The following IGFBP2 variants were observed in gnomAD, a reference collection of about 807,000 sequenced individuals.
The protein encoded by IGFBP2 is insulin-like growth factor-binding protein 2.
IGFBP2 carries 12 observed loss-of-function variants against 26.2 expected under a neutral mutation model. The ratio of observed to expected loss-of-function variants is 0.46; its 90% confidence interval spans 0.29 to 0.74. IGFBP2 has a LOEUF of 0.74. Among genes scored for constraint, IGFBP2 ranks in the 30% least tolerant of loss-of-function variants. The pLI, the probability that IGFBP2 is intolerant of heterozygous loss-of-function variation, is 0.09. For synonymous variants in IGFBP2, 189 were observed against 200.6 expected (o/e 0.94, Z 0.49); for missense variants, 328 against 441.2 (o/e 0.74, Z 2.30).
At position 216,639,686 on chromosome 2, in the gene IGFBP2, A is replaced by G. The variant is rs1359184103; in HGVS notation, c.442+5721A>G. Among the ~76,000 whole-genome samples, 4 of 151,982 alleles carry G rather than the reference A, an allele frequency of 2.6e-5. No individual in the cohort carries two copies. In the South Asian group the frequency reaches 6.2e-4, roughly 24 times the overall value. ...AAGACCGAGTTTTGCTCTGTCACCC[A>G]GGCTGGAGTGCAGTGGCGCAATCTC... On this transcript the variant is annotated intron_variant, in intron 1 of 3. Transcript: ENST00000233809.
intron 1 of IGFBP2, among the ~76,000 whole-genome samples, chr2:216,635,311 A>T (rs1235348516): frequency 6.6e-6 from 1 of 151,892 alleles, no homozygotes; most frequent in Non-Finnish European, 1.5e-5. Flanking sequence ...TTCCTTCCCT[A>T]GCCTGCCTGG....
At chr2:216,634,110 C>A in intron 1 of IGFBP2, 145 bp downstream of exon 1, 1 of 1,312,278 alleles carries the variant, frequency 7.6e-7, no homozygotes, top group Non-Finnish European at 1.0e-6. Context: ...TAGCGGGACG[C>A]GGAAGTCAGG....
At chr2:216,661,109 T>C (rs1688635474) in intron 2 of IGFBP2, 1 of 353,398 alleles carries the variant, frequency 2.8e-6, no homozygotes, top group Admixed American at 4.6e-5. Flanking sequence ...CTCTTTTTTT[T>C]TTCCTCCCCC....
At chr2:216,660,232 C>T (rs973532934) in intron 1 of IGFBP2, among the ~76,000 whole-genome samples, 19 of 152,110 alleles carry the variant, frequency 1.2e-4, no homozygotes, top group African/African-American at 4.6e-4. Flanking sequence ...TGTCATTCTT[C>T]TAGAGCCAGA....
chr2:216,651,733 C>G (rs1487644385), intron 1 of IGFBP2, among the ~76,000 whole-genome samples: 1 of 152,152 alleles, frequency 6.6e-6, no homozygotes, highest in Non-Finnish European at 1.5e-5. Flanking sequence ...TTTTATTTAC[C>G]CATTCAAGAA....
At chr2:216,635,096 G>C (rs1260847713) in intron 1 of IGFBP2, among the ~76,000 whole-genome samples, 1 of 150,430 alleles carries the variant, frequency 6.6e-6, no homozygotes, top group African/African-American at 2.4e-5. Context: ...TGAGGTCTTC[G>C]TAAGCCCCCC....
chr2:216,648,463 C>T (rs1697757699), intron 1 of IGFBP2, among the ~76,000 whole-genome samples: 2 of 152,094 alleles, frequency 1.3e-5, no homozygotes, highest in Admixed American at 1.3e-4. Context: ...ACATCATTGC[C>T]CTGGCCAGTG....
At chr2:216,634,340 C>T (rs1253700816) in intron 1 of IGFBP2, among the ~76,000 whole-genome samples, 1 of 152,036 alleles carries the variant, frequency 6.6e-6, no homozygotes, top group African/African-American at 2.4e-5. Flanking sequence ...TGCTTGAGGA[C>T]CCAAGGGTCC....
At chr2:216,633,989 T>C (rs1284445723) in intron 1 of IGFBP2, 24 bp downstream of exon 1, 13 of 1,575,176 alleles carry the variant, frequency 8.3e-6, no homozygotes, top group African/African-American at 1.4e-5. Flanking sequence ...GAACAAGTAG[T>C]TGGGAGAAAC....
In IGFBP2 at chr2:216,664,128, G is replaced by A. The variant is rs906280201; in HGVS notation, c.*24G>A. 4.1e-5 allele frequency: 63 copies of A among 1,538,496 alleles called. No homozygotes were observed. The highest frequency in any genetic ancestry group is 5.3e-5 in the Non-Finnish European group (60 of 1,138,532). On this transcript the variant is annotated 3_prime_UTR_variant, in exon 4 of 4. Coordinates refer to ENST00000233809, the MANE Select transcript of IGFBP2 (RefSeq NM_000597.3). This position sits in a 1 kb window ranked among gnomAD's most constrained non-coding sequence, Gnocchi z 4.6. ...AGACCGCAGCCAGCCGGTGCCTGGC[G>A]CCCCTGCCCCCCGCCCCTCTCCAAA... is the stretch of plus-strand genomic sequence containing the variant.
chr2:216,641,470 G>C (rs545359925), intron 1 of IGFBP2, among the ~76,000 whole-genome samples: 1 of 152,252 alleles, frequency 6.6e-6, no homozygotes, highest in South Asian at 2.1e-4. Flanking sequence ...TTGCATTTTG[G>C]TGATGAGTCA....
At chr2:216,650,181 T>C (rs1697791369) in intron 1 of IGFBP2, among the ~76,000 whole-genome samples, 1 of 152,184 alleles carries the variant, frequency 6.6e-6, no homozygotes, top group Non-Finnish European at 1.5e-5. Context: ...GCCTCTGACT[T>C]TCTGGGGCTG....
intron 1 of IGFBP2, among the ~76,000 whole-genome samples, chr2:216,650,492 T>C (rs1187025427): frequency 2.0e-5 from 3 of 152,202 alleles, no homozygotes. Context: ...AGGGGATTCA[T>C]CGGCCAGGTG....
intron 1 of IGFBP2, among the ~76,000 whole-genome samples, chr2:216,657,024 G>A (rs771476020): frequency 6.6e-6 from 1 of 152,182 alleles, no homozygotes; most frequent in Admixed American, 6.5e-5. Flanking sequence ...CCAAGGGTTC[G>A]GGTGAGGGCG....
chr2:216,656,552 T>G (rs1697927387), intron 1 of IGFBP2, among the ~76,000 whole-genome samples: 1 of 152,228 alleles, frequency 6.6e-6, no homozygotes, highest in South Asian at 2.1e-4. Flanking sequence ...ACATTTTTTG[T>G]TGTTCCAACC....
chr2:216,661,722 T>C, intron 2 of IGFBP2, 136 bp from the exon 3 acceptor site: 1 of 1,008,114 alleles, frequency 9.9e-7, no homozygotes, highest in Non-Finnish European at 1.5e-6. Flanking sequence ...CAGAAGTCCC[T>C]GTGCCCCCTG....
chr2:216,637,113 G>C (rs1256600875), intron 1 of IGFBP2, among the ~76,000 whole-genome samples: 1 of 152,186 alleles, frequency 6.6e-6, no homozygotes, highest in Non-Finnish European at 1.5e-5. Context: ...GCATAAATTT[G>C]CATACTGAGT....
chr2:216,657,604 C>A lies in IGFBP2; in HGVS notation c.443-2953C>A, dbSNP rs149559952. Among the ~76,000 whole-genome samples, 766 of 152,064 alleles carry A rather than the reference C, an allele frequency of 5.0e-3. 4 individuals carry two copies. Among genetic ancestry groups the A allele is most frequent in the African/African-American group, 0.015 (632 of 41,466 alleles). The stretch of plus-strand genomic sequence containing the variant: ...TCACTCAGCCTGCCTCTCTGGGTCC[C>A]TGGGTGTCTGCTGCTCTCCATGTGG... On this transcript the variant is annotated intron_variant, in intron 1 of 3. Coordinates refer to ENST00000233809, the MANE Select transcript of IGFBP2 (RefSeq NM_000597.3).
intron 1 of IGFBP2, among the ~76,000 whole-genome samples, chr2:216,645,234 G>A (rs1697688154): frequency 6.6e-6 from 1 of 152,200 alleles, no homozygotes; most frequent in Admixed American, 6.5e-5. Context: ...AGGATAAAGG[G>A]GGTGGGGGTA....
Sources: allele counts gnomAD v4.1 joint callset (sites outside exome capture counted in the v4.1 genomes callset), GRCh38; gene constraint gnomAD v4.1.1; non-coding constraint Gnocchi (gnomAD v3.1); transcripts MANE v1.5; gene names NCBI Gene and HGNC (gene_info 2026-07-23, HGNC 2026-07-21).